The following PSMD1 variants were observed in gnomAD, a reference collection of about 807,000 sequenced individuals.
The protein encoded by PSMD1 is 26S proteasome non-ATPase regulatory subunit 1.
PSMD1 carries 18 observed loss-of-function variants against 119.0 expected under a neutral mutation model. That is an observed-to-expected ratio of 0.15 (90% CI 0.10 to 0.22). The LOEUF (loss-of-function observed/expected upper bound fraction) is 0.22, where lower values mean the gene tolerates loss of function less well. PSMD1 is among the 10% of genes least tolerant of loss of function. The pLI, the probability that PSMD1 is intolerant of heterozygous loss-of-function variation, is 1.00. For synonymous variants in PSMD1, 374 were observed against 396.6 expected (o/e 0.94, Z 0.68); for missense variants, 702 against 1,158.5 (o/e 0.61, Z 5.72).
intron 11 of PSMD1, among the ~76,000 whole-genome samples, 199 bp downstream of exon 11, chr2:231,079,813 TG>T (rs1403212557): frequency 1.3e-5 from 2 of 152,226 alleles, no homozygotes; most frequent in Non-Finnish European, 2.9e-5. Context: ...AGTGGAAATT[TG>T]TTTCTATAAA....
chr2:231,060,414 G>A (rs1024779600), intron 1 of PSMD1: 2 of 152,138 alleles, frequency 1.3e-5, no homozygotes, highest in South Asian at 2.1e-4. Context: ...GTTTCAACTC[G>A]GTGTTCTGGA....
chr2:231,058,820 A>C (rs1693681402), intron 1 of PSMD1, among the ~76,000 whole-genome samples: 1 of 151,388 alleles, frequency 6.6e-6, no homozygotes. Flanking sequence ...TCTTCCTCAG[A>C]TTTTCCCTTA....
chr2:231,107,214 G>A (rs558669539), intron 16 of PSMD1, among the ~76,000 whole-genome samples: 2 of 152,116 alleles, frequency 1.3e-5, no homozygotes, highest in Non-Finnish European at 2.9e-5. Context: ...TATTAGAGCC[G>A]CATTCTAGCA....
rs1694146764 is a variant in PSMD1 at position 231,075,743 on chromosome 2, C to T, written c.942+172C>T. Among the ~76,000 whole-genome samples, 3 of 152,116 alleles carry T rather than the reference C, an allele frequency of 2.0e-5. 1 individual carries two copies. In the South Asian group the frequency reaches 6.2e-4, roughly 32 times the overall value. On this transcript the variant is annotated intron_variant, in intron 8 of 24. Transcript: ENST00000308696. Reference sequence around the variant, plus strand: ...GGATTGCAGGCATGTACCACCACGCCTGGCTAAGTTTTGTATTTTTTGTAG... The same window carrying T: ...GGATTGCAGGCATGTACCACCACGCTTGGCTAAGTTTTGTATTTTTTGTAG...
chr2:231,150,546 T>A (rs1281437949), intron 18 of PSMD1, among the ~76,000 whole-genome samples: 1 of 152,116 alleles, frequency 6.6e-6, no homozygotes, highest in Non-Finnish European at 1.5e-5. Flanking sequence ...CTCATTTGGA[T>A]GCAATTATTA....
chr2:231,069,527 A>G (rs1309508336), intron 5 of PSMD1, among the ~76,000 whole-genome samples: 2 of 152,176 alleles, frequency 1.3e-5, no homozygotes, highest in African/African-American at 2.4e-5. Context: ...CCTGGATCAA[A>G]GTTTTCTTGT....
intron 16 of PSMD1, among the ~76,000 whole-genome samples, chr2:231,128,351 A>G (rs753195171): frequency 8.5e-5 from 13 of 152,236 alleles, no homozygotes; most frequent in Non-Finnish European, 1.9e-4. Flanking sequence ...GCTCACTTCA[A>G]CAGGACCTAC....
intron 23 of PSMD1, among the ~76,000 whole-genome samples, chr2:231,169,116 C>T (rs1275545436): frequency 6.6e-6 from 1 of 152,128 alleles, no homozygotes; most frequent in Non-Finnish European, 1.5e-5. Context: ...ATAAACAGCC[C>T]TTTCCATGTG....
chr2:231,094,897 G>T (rs998600234), intron 16 of PSMD1, among the ~76,000 whole-genome samples: 1 of 152,152 alleles, frequency 6.6e-6, no homozygotes, highest in Admixed American at 6.5e-5. Flanking sequence ...TGACATCAGG[G>T]TCATAACCTA....
At position 231,165,983 on chromosome 2, in the gene PSMD1, T is replaced by G; in HGVS notation, c.2681T>G (p.Met894Arg). Residue 894 changes from methionine to arginine, a missense_variant, in exon 23 of 25, where the codon ATG becomes AGG. By Grantham distance (91) the Met-to-Arg change is moderately conservative (BLOSUM62 -1). Coordinates refer to ENST00000308696, the MANE Select transcript of PSMD1 (RefSeq NM_002807.4). ...CCTGCCCAGCTTAAGGTCCTAACCATGCCGGAGACCTGTAGATACCAGCCT... is the reference window on the plus strand; with the variant it reads ...CCTGCCCAGCTTAAGGTCCTAACCAGGCCGGAGACCTGTAGATACCAGCCT... Reference protein sequence around the residue: ...VMPAQLKVLTMPETCRYQPFK... With the variant: ...VMPAQLKVLTRPETCRYQPFK... 6.2e-7 allele frequency: 1 copy of G among 1,613,960 alleles called. No homozygotes were observed. The highest frequency in any genetic ancestry group is 1.1e-5 in the South Asian group (1 of 91,050).
intron 22 of PSMD1, 23 bp from the exon 23 acceptor site, chr2:231,165,848 T>A: frequency 6.5e-7 from 1 of 1,547,050 alleles, no homozygotes; most frequent in Non-Finnish European, 8.8e-7. Flanking sequence ...TCTGTTGAAC[T>A]TTTTTTAAAT....
At chr2:231,120,106 C>T (rs1387635866) in intron 16 of PSMD1, among the ~76,000 whole-genome samples, 2 of 151,922 alleles carry the variant, frequency 1.3e-5, no homozygotes, top group African/African-American at 4.8e-5. Context: ...CGCGTACCAC[C>T]ATGCCCAGCT....
chr2:231,107,569 A>C (rs1226273192), intron 16 of PSMD1, among the ~76,000 whole-genome samples: 1 of 152,210 alleles, frequency 6.6e-6, no homozygotes, highest in Non-Finnish European at 1.5e-5. Context: ...GGGCTTGAAG[A>C]AATTAAGTAT....
chr2:231,086,065 G>A (rs1694424834), intron 15 of PSMD1, among the ~76,000 whole-genome samples: 1 of 151,576 alleles, frequency 6.6e-6, no homozygotes, highest in African/African-American at 2.4e-5. Context: ...CTTTGAGACA[G>A]GGTTTCGCTC....
intron 17 of PSMD1, among the ~76,000 whole-genome samples, chr2:231,144,878 G>A (rs575563583): frequency 2.0e-4 from 31 of 152,134 alleles, no homozygotes; most frequent in African/African-American, 7.5e-4. Flanking sequence ...GGAGTAAGAG[G>A]GTTATATAGC....
At chr2:231,082,696 A>T (rs1413935118) in intron 12 of PSMD1, among the ~76,000 whole-genome samples, 187 bp from the exon 13 acceptor site, 1 of 152,222 alleles carries the variant, frequency 6.6e-6, no homozygotes, top group Admixed American at 6.5e-5. Flanking sequence ...CAAGAGCGAA[A>T]CTACGTCTGA....
chr2:231,158,615 G>A (rs547829913), intron 19 of PSMD1, among the ~76,000 whole-genome samples: 6 of 152,288 alleles, frequency 3.9e-5, no homozygotes, highest in South Asian at 4.1e-4. Flanking sequence ...CAAATAGCAC[G>A]TTAGCTAGGC....
At chr2:231,075,911 G>A (rs1301601288) in intron 8 of PSMD1, among the ~76,000 whole-genome samples, 1 of 152,058 alleles carries the variant, frequency 6.6e-6, no homozygotes, top group Non-Finnish European at 1.5e-5. Flanking sequence ...GCTTTTTGAA[G>A]TTGAGATTGT....
chr2:231,118,329 A>ATAAGAT (rs754132821), intron 16 of PSMD1, among the ~76,000 whole-genome samples: 12 of 152,174 alleles, frequency 7.9e-5, no homozygotes, highest in Non-Finnish European at 5.9e-5. Context: ...TCAGTATGAA[A>ATAAGAT]TAAGAGTGTT....
Sources: gnomAD v4.1 joint callset for allele counts (sites outside exome capture counted in the v4.1 genomes callset) on GRCh38, gnomAD v4.1.1 for gene constraint, MANE v1.5 for transcripts, NCBI Gene and HGNC (gene_info 2026-07-23, HGNC 2026-07-21) for gene names.